Variants in NBAS observed in about 807,000 individuals in gnomAD.
NBAS encodes the protein NBAS subunit of NRZ tethering complex.
NBAS carries 219 observed loss-of-function variants against 302.5 expected under a neutral mutation model. That is an observed-to-expected ratio of 0.72 (90% CI 0.65 to 0.81). The LOEUF (loss-of-function observed/expected upper bound fraction) is 0.81. NBAS is among the 30% of genes least tolerant of loss of function. The pLI is 0.00. For missense variants in NBAS, 2,932 were observed against 2,841.6 expected, an observed-to-expected ratio of 1.03 and a Z score of -0.72; for synonymous variants, 1,118 against 1,021.6, an observed-to-expected ratio of 1.09 and a Z score of -1.80.
intron 38 of NBAS, among the ~76,000 whole-genome samples, chr2:15,320,998 T>C (rs1671780109): frequency 6.6e-6 from 1 of 152,116 alleles, no homozygotes; most frequent in Non-Finnish European, 1.5e-5. Context: ...CAAACTATAC[T>C]ACAAGGCTAT....
chr2:14,989,293 A>ATGTGTGTGTGTGTG, the NBAS span, among the ~76,000 whole-genome samples: 5,595 of 148,068 alleles, frequency 0.038, 294 homozygotes, highest in African/African-American at 0.11. Context: ...ATGTATGTGT[A>ATGTGTGTGTGTGTG]TGTGTGTGTG....
the NBAS span, among the ~76,000 whole-genome samples, chr2:14,943,359 A>G: frequency 2.6e-5 from 4 of 152,236 alleles, no homozygotes; most frequent in Non-Finnish European, 5.9e-5. Context: ...TTCATGTTAC[A>G]GCCTAACTTT....
the NBAS span, among the ~76,000 whole-genome samples, chr2:14,909,203 C>A: frequency 2.0e-5 from 3 of 151,540 alleles, no homozygotes; most frequent in Non-Finnish European, 2.9e-5. Flanking sequence ...ATCTGTAGTC[C>A]CAGCTACTCG....
chr2:15,530,809 T>C (rs1343291454), intron 9 of NBAS, among the ~76,000 whole-genome samples: 1 of 151,792 alleles, frequency 6.6e-6, no homozygotes. Flanking sequence ...ACTGACTATC[T>C]AAAGTGAAGG....
At chr2:15,224,408 A>G (rs1377395637) in intron 47 of NBAS, among the ~76,000 whole-genome samples, 1 of 152,256 alleles carries the variant, frequency 6.6e-6, no homozygotes, top group Non-Finnish European at 1.5e-5. Flanking sequence ...CATTCAAGCA[A>G]GCAAAACACA....
chr2:15,289,543 A>G (rs928518843), intron 41 of NBAS, among the ~76,000 whole-genome samples: 1 of 152,202 alleles, frequency 6.6e-6, no homozygotes, highest in Non-Finnish European at 1.5e-5. Flanking sequence ...GACATTTTCA[A>G]TAAGGACTGA....
chr2:15,167,076 G>A lies in NBAS; in HGVS notation c.7088C>T (p.Ala2363Val), dbSNP rs760156969. 1 of 1,605,616 alleles carries A rather than the reference G, an allele frequency of 6.2e-7. No individual in the cohort carries two copies. The highest frequency in any genetic ancestry group is 1.7e-5 in the Admixed American group (1 of 59,694). The change falls in exon 52 of 52, where the codon GCC becomes GTC. Residue 2363 changes from alanine to valine, a missense_variant. By Grantham distance (64) the Ala-to-Val change is moderately conservative. Coordinates refer to ENST00000281513, the MANE Select transcript of NBAS (RefSeq NM_015909.4). ...THQAFRTFST[A>V]LRAAQHWV ...CACCCAGTGCTGTGCTGCGCGGAGG[G>A]CTGTACTGAAGGTTCTGAAGGCCTG... is the stretch of plus-strand genomic sequence containing the variant.
chr2:14,865,545 C>T, the NBAS span, among the ~76,000 whole-genome samples: 1 of 152,028 alleles, frequency 6.6e-6, no homozygotes, highest in African/African-American at 2.4e-5. Flanking sequence ...AAAGAAAATC[C>T]CTTATAATTG....
At chr2:15,090,809 A>G in the NBAS span, among the ~76,000 whole-genome samples, 1 of 152,204 alleles carries the variant, frequency 6.6e-6, no homozygotes, top group Admixed American at 6.5e-5. Context: ...TGATAAAAGC[A>G]TTTGGAACGG....
chr2:15,477,678 AC>A (rs1680249561), intron 13 of NBAS, among the ~76,000 whole-genome samples: 1 of 152,228 alleles, frequency 6.6e-6, no homozygotes, highest in Non-Finnish European at 1.5e-5. Flanking sequence ...ACAGTCAAAA[AC>A]TAAAAGTGAA....
chr2:15,270,369 T>C (rs1451030068), intron 44 of NBAS, among the ~76,000 whole-genome samples: 4 of 152,006 alleles, frequency 2.6e-5, no homozygotes, highest in Non-Finnish European at 5.9e-5. Context: ...TTCACCGTGG[T>C]AGCCAGGATG....
At chr2:14,933,190 C>A in the NBAS span, among the ~76,000 whole-genome samples, 1 of 152,182 alleles carries the variant, frequency 6.6e-6, no homozygotes, top group African/African-American at 2.4e-5. Context: ...TGAATCCATG[C>A]CCCTGGCTGG....
chr2:14,955,219 T>C, the NBAS span, among the ~76,000 whole-genome samples: 4 of 152,242 alleles, frequency 2.6e-5, no homozygotes, highest in African/African-American at 9.6e-5. Context: ...AATGATCTCC[T>C]TTGACTCCAT....
At chr2:15,266,091 T>A (rs757758734) in intron 44 of NBAS, among the ~76,000 whole-genome samples, 3 of 152,150 alleles carry the variant, frequency 2.0e-5, no homozygotes, top group Non-Finnish European at 2.9e-5. Flanking sequence ...TCTCACAAGA[T>A]CTGATGGTTT....
At chr2:15,372,991 C>T (rs891267272) in intron 31 of NBAS, among the ~76,000 whole-genome samples, 4 of 151,992 alleles carry the variant, frequency 2.6e-5, no homozygotes, top group South Asian at 2.1e-4. Flanking sequence ...GAGTCAAATC[C>T]GTAACAGCAT....
rs79813612 is a variant in NBAS, at chr2:15,258,059, C to T, written c.5724+17425G>A. Among the ~76,000 whole-genome samples the T allele has an allele frequency of 6.8e-3, 1,030 of 152,140 alleles. 15 individuals carry two copies. Among genetic ancestry groups the T allele is most frequent in the African/African-American group, 0.024 (998 of 41,504 alleles). On this transcript the variant is annotated intron_variant, in intron 44 of 51. Coordinates refer to ENST00000281513, the MANE Select transcript of NBAS (RefSeq NM_015909.4). Reference sequence around the variant, plus strand: ...TTATCAAAAAAATAAATCAATGTTGCGGGAACTCAGGGACGCCGAACGGAG... The same window carrying T: ...TTATCAAAAAAATAAATCAATGTTGTGGGAACTCAGGGACGCCGAACGGAG...
chr2:15,256,167 G>T (rs1472664861), intron 44 of NBAS, among the ~76,000 whole-genome samples: 1 of 152,036 alleles, frequency 6.6e-6, no homozygotes, highest in African/African-American at 2.4e-5. Flanking sequence ...TCACAATATT[G>T]ATTCTACCTA....
intron 21 of NBAS, among the ~76,000 whole-genome samples, chr2:15,432,915 T>C (rs747798623): frequency 1.3e-5 from 2 of 152,148 alleles, no homozygotes; most frequent in East Asian, 1.9e-4. Flanking sequence ...ATTTCATTTA[T>C]AAATAACTTA....
chr2:15,453,697 T>C (rs1679123427), intron 21 of NBAS, among the ~76,000 whole-genome samples: 1 of 152,218 alleles, frequency 6.6e-6, no homozygotes, highest in Non-Finnish European at 1.5e-5. Flanking sequence ...CAGTCAAACT[T>C]TGAATCATCA....
Sources: gnomAD v4.1 joint callset for allele counts (sites outside exome capture counted in the v4.1 genomes callset) on GRCh38, gnomAD v4.1.1 for gene constraint, MANE v1.5 for transcripts, NCBI Gene and HGNC (gene_info 2026-07-23, HGNC 2026-07-21) for gene names.